The following EPN2 variants were observed in gnomAD, a reference collection of about 807,000 sequenced individuals.
EPN2 encodes epsin-2.
In EPN2, 34 loss-of-function variants were observed where a neutral mutation model predicts 61.7. That is an observed-to-expected ratio of 0.55 (90% CI 0.42 to 0.73). The LOEUF (loss-of-function observed/expected upper bound fraction) is 0.73, where lower values mean the gene tolerates loss of function less well. Ranked by LOEUF, EPN2 falls within the 30% of genes least tolerant of loss-of-function variation. EPN2 has a pLI of 0.00. For missense variants in EPN2, 714 were observed against 839.2 expected, an observed-to-expected ratio of 0.85 and a Z score of 1.84; for synonymous variants, 349 against 353.6, an observed-to-expected ratio of 0.99 and a Z score of 0.15.
At chr17:19,284,814 T>A (rs542936128) in intron 3 of EPN2, among the ~76,000 whole-genome samples, 78 of 152,326 alleles carry the variant, frequency 5.1e-4, no homozygotes, top group Non-Finnish European at 8.4e-4. Context: ...CATATTAAAG[T>A]CAGATTTCCT....
chr17:19,238,826 G>A (rs540357475), intron 1 of EPN2, among the ~76,000 whole-genome samples: 20 of 152,294 alleles, frequency 1.3e-4, no homozygotes, highest in African/African-American at 4.8e-4. Flanking sequence ...AAAATATCCT[G>A]TGAAAGAAGG....
intron 7 of EPN2, among the ~76,000 whole-genome samples, chr17:19,324,160 C>T (rs992823122): frequency 1.3e-5 from 2 of 152,170 alleles, no homozygotes; most frequent in East Asian, 3.8e-4. Flanking sequence ...CTAGTCTCAA[C>T]AAATTGCAAA....
chr17:19,261,099 C>T (rs1022386311), intron 1 of EPN2, among the ~76,000 whole-genome samples: 5 of 152,176 alleles, frequency 3.3e-5, no homozygotes, highest in Non-Finnish European at 5.9e-5. Flanking sequence ...TTGCAGTGGT[C>T]CTGCAGGGTG....
intron 5 of EPN2, among the ~76,000 whole-genome samples, chr17:19,310,248 A>G (rs1197024313): frequency 6.6e-6 from 1 of 152,210 alleles, no homozygotes; most frequent in Non-Finnish European, 1.5e-5. Context: ...GAAAGAAACC[A>G]GTTAAAAATG....
intron 9 of EPN2, 46 bp from the exon 10 acceptor site, chr17:19,331,807 C>A: frequency 6.5e-7 from 1 of 1,533,956 alleles, no homozygotes; most frequent in Non-Finnish European, 9.0e-7. Flanking sequence ...CAGTCTTAGG[C>A]TCTCCCTGCC....
At chr17:19,250,922 C>T (rs1465146366) in intron 1 of EPN2, among the ~76,000 whole-genome samples, 2 of 151,976 alleles carry the variant, frequency 1.3e-5, no homozygotes, top group African/African-American at 4.8e-5. Flanking sequence ...CACTGTCCCT[C>T]CTCCTCTCTG....
At position 19,333,090 on chromosome 17, in the gene EPN2, G is replaced by A. The variant is rs971140852; in HGVS notation, c.1628-866G>A. On this transcript the variant is annotated intron_variant, in intron 10 of 10. Coordinates refer to ENST00000314728, the MANE Select transcript of EPN2 (RefSeq NM_014964.5). ...TGAGGACATGGCTGCCCCCAGGGGA[G>A]GTGGTTCCCTGGGTGGAACTAGATT... Among the ~76,000 whole-genome samples, 22 of 152,334 alleles carry A rather than the reference G, an allele frequency of 1.4e-4. 1 individual carries two copies. The highest frequency in any genetic ancestry group is 3.4e-3 in the Middle Eastern group (1 of 294).
At chr17:19,313,335 G>A (rs1446631742) in intron 7 of EPN2, 56 bp downstream of exon 7, 1 of 1,458,530 alleles carries the variant, frequency 6.9e-7, no homozygotes, top group African/African-American at 1.5e-5. Flanking sequence ...TGAGGGGCAG[G>A]GCAGTGCTTC....
intron 1 of EPN2, among the ~76,000 whole-genome samples, chr17:19,259,308 CTTTTTT>C (rs776768357): frequency 1.0e-5 from 1 of 96,194 alleles, no homozygotes; most frequent in African/African-American, 4.6e-5. Flanking sequence ...AGTGTTGGGT[CTTTTTT>C]TTTTTTTTTT....
At chr17:19,318,481 C>T (rs978502812) in intron 7 of EPN2, among the ~76,000 whole-genome samples, 2 of 131,392 alleles carry the variant, frequency 1.5e-5, no homozygotes, top group East Asian at 2.6e-4. Flanking sequence ...ACCCGGGAGG[C>T]GGAGGTTGCA....
chr17:19,294,879 A>C (rs959580032), intron 4 of EPN2, among the ~76,000 whole-genome samples: 4 of 152,124 alleles, frequency 2.6e-5, no homozygotes, highest in Non-Finnish European at 5.9e-5. Flanking sequence ...GCATAGTCAC[A>C]GCTGCTGACG....
chr17:19,276,754 ATG>A (rs1013933010), intron 1 of EPN2, among the ~76,000 whole-genome samples: 10 of 142,228 alleles, frequency 7.0e-5, no homozygotes, highest in Non-Finnish European at 1.5e-4. Flanking sequence ...AATTGTCAGT[ATG>A]TAATTTATGA....
chr17:19,247,035 A>C (rs1336915019), intron 1 of EPN2, among the ~76,000 whole-genome samples: 2 of 151,146 alleles, frequency 1.3e-5, no homozygotes, highest in Non-Finnish European at 2.9e-5. Flanking sequence ...TTCCCAAAGT[A>C]CTGGGATTAC....
At chr17:19,237,940 GC>G (rs2044836117) in intron 1 of EPN2, among the ~76,000 whole-genome samples, 1 of 152,164 alleles carries the variant, frequency 6.6e-6, no homozygotes. Context: ...CGAGCCCGGC[GC>G]CCCTTCCTCC....
chr17:19,279,107 C>G (rs570648782), intron 1 of EPN2, among the ~76,000 whole-genome samples: 1 of 152,210 alleles, frequency 6.6e-6, no homozygotes. Context: ...TTAAGTATTT[C>G]AGAGACCATC....
intron 7 of EPN2, 51 bp downstream of exon 7, chr17:19,313,330 G>T: frequency 3.4e-6 from 5 of 1,471,904 alleles, no homozygotes; most frequent in African/African-American, 1.4e-5. Flanking sequence ...ATGGGTGAGG[G>T]GCAGGGCAGT....
chr17:19,283,497 G>A lies in EPN2; in HGVS notation c.378G>A (p.Lys126=), dbSNP rs116241641. ...ACCAGGGCATCAATGTGCGTGAGAA[G>A]TCAAAGCAACTGGTGGCTCTCCTCA... is the stretch of plus-strand genomic sequence containing the variant. ...GKDQGINVRE[K]SKQLVALLKD... is the part of the protein sequence containing the mutation. Residue 126 remains lysine, a synonymous_variant, in exon 3 of 11, where the codon AAG becomes AAA. Coordinates refer to ENST00000314728, the MANE Select transcript of EPN2 (RefSeq NM_014964.5). This position sits in a 1 kb window ranked among gnomAD's most constrained non-coding sequence, Gnocchi z 7.0. 3.1e-6 allele frequency: 5 copies of A among 1,614,144 alleles called. No homozygotes were observed. In the East Asian group the frequency reaches 1.1e-4, roughly 36 times the overall value.
chr17:19,332,844 C>T (rs750501344), intron 10 of EPN2, among the ~76,000 whole-genome samples: 39 of 152,254 alleles, frequency 2.6e-4, no homozygotes, highest in Admixed American at 1.1e-3. Context: ...TCCCCAAAGC[C>T]TTGGGCTTCC....
chr17:19,284,374 C>CA (rs1400528229), intron 3 of EPN2, among the ~76,000 whole-genome samples: 2 of 152,088 alleles, frequency 1.3e-5, no homozygotes, highest in African/African-American at 2.4e-5. Context: ...GAGTGGAGTT[C>CA]AGGGCCTGAT....
Sources: gnomAD v4.1 joint callset for allele counts (sites outside exome capture counted in the v4.1 genomes callset) on GRCh38, gnomAD v4.1.1 for gene constraint, Gnocchi (gnomAD v3.1) non-coding constraint, MANE v1.5 for transcripts, NCBI Gene and HGNC (gene_info 2026-07-23, HGNC 2026-07-21) for gene names.